Variants in LRP1B observed in about 807,000 individuals in gnomAD.
The protein encoded by LRP1B is low-density lipoprotein receptor-related protein 1B.
LRP1B carries 217 observed loss-of-function variants against 556.6 expected under a neutral mutation model. The ratio of observed to expected loss-of-function variants is 0.39; its 90% CI spans 0.35 to 0.44. The LOEUF (loss-of-function observed/expected upper bound fraction) is 0.44. Among genes scored for constraint, LRP1B ranks in the 20% least tolerant of loss-of-function variants. The probability of loss-of-function intolerance (pLI) is 1.00; values close to 1 mark genes in which losing one functional copy is unlikely to be tolerated. For synonymous variants in LRP1B, 2,047 were observed against 1,865.8 expected (o/e 1.10, Z -2.50); for missense variants, 5,053 against 5,620.8 (o/e 0.90, Z 3.23).
chr2:141,594,414 C>T (rs147299508), intron 2 of LRP1B, among the ~76,000 whole-genome samples: 1 of 152,094 alleles, frequency 6.6e-6, no homozygotes, highest in East Asian at 1.9e-4. Context: ...AAGAACTGAG[C>T]AAAATATTTA....
Position 141,498,179 on chromosome 2 carries a change from T to C in LRP1B, c.206-17646A>G, listed in dbSNP as rs577219686. On this transcript the variant is annotated intron_variant, in intron 2 of 90. Transcript: ENST00000389484. ...AATAAAATATAGGCATGAAATTGTT[T>C]AGTTGCTGAAAAGGACTAGTGGAGT... Among the ~76,000 whole-genome samples the C allele has an allele frequency of 9.9e-5, 15 of 152,110 alleles. No individual in the cohort carries two copies. In the South Asian group the frequency reaches 2.9e-3, roughly 29 times the overall value.
Position 140,549,687 on chromosome 2 carries a change from G to A in LRP1B, c.7195-7716C>T, listed in dbSNP as rs55674926. Among the ~76,000 whole-genome samples, 406 of 152,234 alleles carry A rather than the reference G, an allele frequency of 2.7e-3. 4 individuals are homozygous for A. The highest frequency in any genetic ancestry group is 9.2e-3 in the African/African-American group (384 of 41,538). On this transcript the variant is annotated intron_variant, in intron 43 of 90. Coordinates refer to ENST00000389484, the MANE Select transcript of LRP1B (RefSeq NM_018557.3). ...CAGTAAATGAAACAGCTGTCAACACGCTAGGTACGCCTTTGCTACTTACTC... is the reference window on the plus strand; with the variant it reads ...CAGTAAATGAAACAGCTGTCAACACACTAGGTACGCCTTTGCTACTTACTC...
intron 7 of LRP1B, among the ~76,000 whole-genome samples, chr2:141,071,733 A>G (rs1699649430): frequency 6.6e-6 from 1 of 152,212 alleles, no homozygotes; most frequent in South Asian, 2.1e-4. Context: ...GAGCCAAATC[A>G]TGAGTGAGCT....
chr2:140,294,993 C>T (rs745690884), intron 84 of LRP1B, among the ~76,000 whole-genome samples: 4 of 152,260 alleles, frequency 2.6e-5, no homozygotes, highest in Non-Finnish European at 4.4e-5. Context: ...CATCCTGCCT[C>T]AGCCTCCCTA....
At chr2:141,211,603 C>T (rs909926549) in intron 6 of LRP1B, among the ~76,000 whole-genome samples, 5 of 151,944 alleles carry the variant, frequency 3.3e-5, no homozygotes, top group Non-Finnish European at 5.9e-5. Flanking sequence ...GGAGACAGAG[C>T]GAGACTCCAT....
chr2:140,731,711 T>C (rs1043118668), intron 35 of LRP1B, among the ~76,000 whole-genome samples: 1 of 128,542 alleles, frequency 7.8e-6, no homozygotes, highest in Admixed American at 1.1e-4. Context: ...GAGCTTGCAG[T>C]GAGCCGAGAC....
intron 7 of LRP1B, among the ~76,000 whole-genome samples, chr2:141,132,773 T>C (rs1170734217): frequency 6.6e-6 from 1 of 151,998 alleles, no homozygotes; most frequent in Non-Finnish European, 1.5e-5. Flanking sequence ...GGACATGCTG[T>C]GTATATATAT....
Position 141,222,230 on chromosome 2 carries a change from A to G in LRP1B, c.850+6953T>C, listed in dbSNP as rs1189007116. ...ATATAACCACTGATCTTACAGAAATACAAACAACCATCAGTGAATACTATC... is the reference window on the plus strand; with the variant it reads ...ATATAACCACTGATCTTACAGAAATGCAAACAACCATCAGTGAATACTATC... On this transcript the variant is annotated intron_variant, in intron 6 of 90. Coordinates refer to ENST00000389484, the MANE Select transcript of LRP1B (RefSeq NM_018557.3). Among the ~76,000 whole-genome samples, 6 of 152,234 alleles carry G rather than the reference A, an allele frequency of 3.9e-5. No homozygotes were observed. The East Asian group carries it at 1.2e-3, about 29-fold the overall frequency.
intron 49 of LRP1B, among the ~76,000 whole-genome samples, chr2:140,518,377 T>G (rs1328157144): frequency 6.6e-6 from 1 of 152,148 alleles, no homozygotes; most frequent in Non-Finnish European, 1.5e-5. Flanking sequence ...TCCCTTTCTT[T>G]CTTACCAAAT....
intron 7 of LRP1B, chr2:141,167,408 T>A (rs1337097575): frequency 1.3e-5 from 2 of 151,910 alleles, no homozygotes; most frequent in African/African-American, 4.8e-5. Flanking sequence ...TTTCCAATAA[T>A]CGTGTCTATA....
At chr2:141,885,196 G>T (rs945418215) in intron 1 of LRP1B, among the ~76,000 whole-genome samples, 3 of 152,114 alleles carry the variant, frequency 2.0e-5, no homozygotes, top group Admixed American at 2.0e-4. Flanking sequence ...TGGTGTAAGT[G>T]AAATTTCTCA....
intron 3 of LRP1B, among the ~76,000 whole-genome samples, chr2:141,272,216 A>C (rs1316635030): frequency 1.3e-5 from 2 of 152,114 alleles, no homozygotes; most frequent in Non-Finnish European, 2.9e-5. Context: ...TTTATATATG[A>C]GTAACATTTC....
At chr2:141,203,820 T>C (rs970825288) in intron 6 of LRP1B, among the ~76,000 whole-genome samples, 2 of 152,162 alleles carry the variant, frequency 1.3e-5, no homozygotes, top group African/African-American at 4.8e-5. Flanking sequence ...ACGGAAATCA[T>C]AACAAATGGT....
intron 23 of LRP1B, among the ~76,000 whole-genome samples, chr2:140,887,981 A>C (rs1693689327): frequency 6.6e-6 from 1 of 152,156 alleles, no homozygotes; most frequent in Non-Finnish European, 1.5e-5. Flanking sequence ...TAATAGTTAA[A>C]CTGAATTGTG....
At chr2:140,908,364 TAA>T (rs1491142667) in intron 21 of LRP1B, among the ~76,000 whole-genome samples, 19 of 33,770 alleles carry the variant, frequency 5.6e-4, no homozygotes, top group Non-Finnish European at 6.8e-4. Context: ...TATATTTATA[TAA>T]TATATATATA....
At chr2:140,705,205 G>A (rs1404427585) in intron 37 of LRP1B, among the ~76,000 whole-genome samples, 2 of 151,764 alleles carry the variant, frequency 1.3e-5, no homozygotes, top group East Asian at 1.9e-4. Context: ...TATAAGATGC[G>A]TAACAAAAAA....
intron 1 of LRP1B, among the ~76,000 whole-genome samples, chr2:142,001,577 A>G (rs1231436020): frequency 6.6e-6 from 1 of 152,182 alleles, no homozygotes; most frequent in African/African-American, 2.4e-5. Context: ...ATTAATGGAG[A>G]CAAAAATGGT....
chr2:140,852,332 GAAAC>G (rs1692484156), intron 27 of LRP1B, among the ~76,000 whole-genome samples: 2 of 151,998 alleles, frequency 1.3e-5, no homozygotes, highest in African/African-American at 4.8e-5. Flanking sequence ...ATCTCAAAAA[GAAAC>G]AAACAAAAAA....
At chr2:141,644,201 G>A (rs1198381876) in intron 2 of LRP1B, among the ~76,000 whole-genome samples, 1 of 151,950 alleles carries the variant, frequency 6.6e-6, no homozygotes, top group Non-Finnish European at 1.5e-5. Context: ...ATCTTGAATT[G>A]TAACTCTCAC....
Sources: gnomAD v4.1 joint callset for allele counts (sites outside exome capture counted in the v4.1 genomes callset) on GRCh38, gnomAD v4.1.1 for gene constraint, MANE v1.5 for transcripts, NCBI Gene and HGNC (gene_info 2026-07-23, HGNC 2026-07-21) for gene names.